The following GBA2 variants were observed in gnomAD, a reference collection of about 807,000 sequenced individuals.
The protein encoded by GBA2 is non-lysosomal glucosylceramidase.
In GBA2, 79 loss-of-function variants were observed where a neutral mutation model predicts 112.9. That is an observed-to-expected ratio of 0.70 (90% confidence interval 0.58 to 0.84). The LOEUF is 0.84. GBA2 is among the 40% of genes least tolerant of loss of function. The pLI is 0.00. For missense variants in GBA2, 1,043 were observed against 1,190.0 expected (o/e 0.88, Z 1.82); for synonymous variants, 403 against 434.3 (o/e 0.93, Z 0.90).
Position 35,740,534 on chromosome 9 carries a change from G to A in GBA2, c.1121C>T (p.Ser374Phe). 3.1e-6 allele frequency: 5 copies of A among 1,610,126 alleles called. No individual in the cohort carries two copies. Among genetic ancestry groups the A allele is most frequent in the Non-Finnish European group, 4.3e-6 (5 of 1,176,384 alleles). The change falls in exon 6 of 17, where the codon TCT becomes TTT. Residue 374 changes from serine to phenylalanine, a missense_variant. By Grantham distance (155) the Ser-to-Phe change is radical. Coordinates refer to ENST00000378103, the MANE Select transcript of GBA2 (RefSeq NM_020944.3). The surrounding 1 kb of genome is among the most constrained non-coding windows in gnomAD (Gnocchi z 4.7). ...GTCAGACCCCCCATCACCAGTGGGA[G>A]AGTCCAGCTGTCCATCCTGAAGTAG... ...QDLLQDGQLD[S>F]PTGQSTPTQK... is the part of the protein sequence containing the mutation.
At chr9:35,747,909 G>A (rs1030204679) in intron 1 of GBA2, among the ~76,000 whole-genome samples, 3 of 152,294 alleles carry the variant, frequency 2.0e-5, no homozygotes, top group African/African-American at 4.8e-5. Context: ...TGTCTAATGA[G>A]GTACAGAGAA....
At chr9:35,743,085 A>G (rs1588020465) in intron 3 of GBA2, among the ~76,000 whole-genome samples, 1 of 152,282 alleles carries the variant, frequency 6.6e-6, no homozygotes, top group African/African-American at 2.4e-5. Flanking sequence ...TGCAAATACT[A>G]TAAGCCATTT....
chr9:35,748,406 G>C lies in GBA2; in HGVS notation c.299C>G (p.Pro100Arg), dbSNP rs773860042. Residue 100 changes from proline to arginine, a missense_variant, in exon 1 of 17, where the codon CCC becomes CGC. Coordinates refer to ENST00000378103, the MANE Select transcript of GBA2 (RefSeq NM_020944.3). ...LAHEFTEKRK[P>R]FQANNVSLSN... is the part of the protein sequence containing the mutation. ...TAGGGAGACGTTGTTAGCTTGAAAG[G>C]GTTTCCTCTTCTCTGTAAACTCATG... 8.1e-6 allele frequency: 13 copies of C among 1,614,120 alleles called. No individual in the cohort carries two copies. Among genetic ancestry groups the C allele is most frequent in the Non-Finnish European group, 1.1e-5 (13 of 1,179,998 alleles).
At chr9:35,739,913 G>C in intron 8 of GBA2, 85 bp downstream of exon 8, 1 of 1,566,506 alleles carries the variant, frequency 6.4e-7, no homozygotes, top group South Asian at 1.1e-5. Flanking sequence ...CAAGTCTACT[G>C]ACTTTGGTGG....
chr9:35,742,002 C>T, intron 3 of GBA2, 112 bp from the exon 4 acceptor site: 1 of 716,326 alleles, frequency 1.4e-6, no homozygotes, highest in Non-Finnish European at 2.5e-6. Context: ...GTTACCACTG[C>T]ACCATCAGCT....
At chr9:35,739,173 G>C in intron 10 of GBA2, 64 bp from the exon 11 acceptor site, 1 of 1,105,944 alleles carries the variant, frequency 9.0e-7, no homozygotes, top group Non-Finnish European at 1.4e-6. Context: ...ACACAGCTAT[G>C]TGTGTGACTG....
rs929371121 is a variant in GBA2, at chr9:35,741,389, G to A, written c.786+283C>T. On this transcript the variant is annotated intron_variant, in intron 4 of 16. Coordinates refer to ENST00000378103, the MANE Select transcript of GBA2 (RefSeq NM_020944.3). This position sits in a 1 kb window ranked among gnomAD's most constrained non-coding sequence, Gnocchi z 4.6. ...GGCTCACTGCAAGCTCCGCCTCCCG[G>A]GTTCACACCATTATCCTGCCTCAGC... 3 of 522,390 alleles carry A rather than the reference G, an allele frequency of 5.7e-6. No individual in the cohort carries two copies. The highest frequency in any genetic ancestry group is 5.7e-5 in the African/African-American group (3 of 52,370). 32.4% of individuals were successfully genotyped at this position (522,390 alleles called of 1,614,324 possible).
At chr9:35,739,215 C>T (rs555781512) in intron 10 of GBA2, 100 bp downstream of exon 10, 45 of 1,023,914 alleles carry the variant, frequency 4.4e-5, no homozygotes, top group Admixed American at 2.9e-4. Flanking sequence ...CATGCAGATA[C>T]GTATGAAGGG....
intron 1 of GBA2, among the ~76,000 whole-genome samples, chr9:35,747,009 G>A (rs542235275): frequency 6.6e-6 from 1 of 152,122 alleles, no homozygotes; most frequent in Non-Finnish European, 1.5e-5. Flanking sequence ...TAATATGGTA[G>A]CTGGCCATTC....
At chr9:35,745,178 A>G (rs1826911282) in intron 1 of GBA2, among the ~76,000 whole-genome samples, 1 of 151,738 alleles carries the variant, frequency 6.6e-6, no homozygotes, top group Non-Finnish European at 1.5e-5. Context: ...GCTGGAGTGC[A>G]GTGGCTCGGT....
Position 35,740,557 on chromosome 9 carries a change from T to C in GBA2, c.1098A>G (p.Leu366=), listed in dbSNP as rs765791387. 1 of 1,613,594 alleles carries C rather than the reference T, an allele frequency of 6.2e-7. No homozygotes were observed. The highest frequency in any genetic ancestry group is 1.1e-5 in the South Asian group (1 of 91,076). ...DSTGQQVWQD[L]LQDGQLDSPT... ...GAGAGTCCAGCTGTCCATCCTGAAG[T>C]AGATCCTGCCACACCTGCTGCCCCG... Residue 366 remains leucine, a synonymous_variant, in exon 6 of 17, where the codon CTA becomes CTG. Coordinates refer to ENST00000378103, the MANE Select transcript of GBA2 (RefSeq NM_020944.3). The surrounding 1 kb of genome is among the most constrained non-coding windows in gnomAD (Gnocchi z 4.7).
Position 35,740,710 on chromosome 9 carries a change from T to C in GBA2, c.1027-82A>G. ...TAGCTCCCCAGCTCCTCTTACTTAC[T>C]CTTAACCTCCCAGGCCCAGGGGCTT... On this transcript the variant is annotated intron_variant, in intron 5 of 16. Coordinates refer to ENST00000378103, the MANE Select transcript of GBA2 (RefSeq NM_020944.3). This position sits in a 1 kb window ranked among gnomAD's most constrained non-coding sequence, Gnocchi z 4.7. 6.5e-7 allele frequency: 1 copy of C among 1,533,794 alleles called. No homozygotes were observed. Among genetic ancestry groups the C allele is most frequent in the Non-Finnish European group, 9.0e-7 (1 of 1,112,238 alleles).
Position 35,740,008 on chromosome 9 carries a change from A to G in GBA2, c.1399T>C (p.Leu467=), listed in dbSNP as rs371553612. The G allele has an allele frequency of 9.3e-6, 15 of 1,613,500 alleles. No homozygotes were observed. In the African/African-American group the frequency reaches 1.1e-4, roughly 11 times the overall value. Residue 467 remains leucine (L), a synonymous_variant, in exon 8 of 17, where the codon TTG becomes CTG. Transcript: ENST00000378103. The surrounding 1 kb of genome is among the most constrained non-coding windows in gnomAD (Gnocchi z 4.7). ...GGGCCCCACTGGCACCTGTCATCCAATACCGGGCTCTGCCAAGCTGAGATC... is the reference window on the plus strand; with the variant it reads ...GGGCCCCACTGGCACCTGTCATCCAGTACCGGGCTCTGCCAAGCTGAGATC... ...ERISAWQSPV[L]DDRSLPAWYK...
At position 35,741,015 on chromosome 9, in the gene GBA2, C is replaced by T; in HGVS notation, c.836G>A (p.Gly279Glu). ...GATGGACACATCTAGAGCTTCGTCC[C>T]CTTCATTTTCCACATCCCACACAAA... ...GVFVWDVENE[G>E]DEALDVSIMF... Residue 279 changes from glycine (G) to glutamate (E), a missense_variant, in exon 5 of 17, where the codon GGG (glycine) becomes GAG (glutamate). Gly to Glu is a moderately conservative substitution (Grantham distance 98, BLOSUM62 -2). Transcript: ENST00000378103. This position sits in a 1 kb window ranked among gnomAD's most constrained non-coding sequence, Gnocchi z 4.6. 1 of 1,614,096 alleles carries T rather than the reference C, an allele frequency of 6.2e-7. No individual in the cohort carries two copies. The highest frequency in any genetic ancestry group is 8.5e-7 in the Non-Finnish European group (1 of 1,179,950).
rs748465218 is a variant in GBA2 at position 35,738,765 on chromosome 9, C to T, written c.1934G>A (p.Trp645Ter). ...TGCATCCCTTACTAGACACACAGGC[C>T]ACATGTCCTTCAGGAAGTTTTGATC... ...TGDQNFLKDM[W>*]PVCLAVMESE... Residue 645 changes from tryptophan (W) to a stop codon, truncating the protein, a stop_gained, in exon 12 of 17, where the codon TGG (tryptophan) becomes TAG (stop). Coordinates refer to ENST00000378103, the MANE Select transcript of GBA2 (RefSeq NM_020944.3). LOFTEE classifies it high-confidence loss of function. 6.2e-7 allele frequency: 1 copy of T among 1,614,190 alleles called. No homozygotes were observed. The highest frequency in any genetic ancestry group is 1.7e-5 in the Admixed American group (1 of 60,028).
In GBA2 at chr9:35,738,377, G is replaced by T; in HGVS notation, c.2055-3C>A. 1 of 1,613,446 alleles carries T rather than the reference G, an allele frequency of 6.2e-7. No individual in the cohort carries two copies. The stretch of plus-strand genomic sequence containing the variant: ...GCCACAGCCCTCCACAGTAAGCACT[G>T]ATCAGGGACATGGGTTTGGGGGTCA... On this transcript the variant is annotated splice_polypyrimidine_tract_variant and splice_region_variant and intron_variant, in intron 13 of 16. Transcript: ENST00000378103.
chr9:35,740,266 GA>G lies in GBA2; in HGVS notation c.1225del (p.Ser409HisfsTer163). ...RPRGQCRLEF[S>X]LAWDMPRIMF... is the part of the protein sequence containing the mutation. ...GATCCTGGGCATGTCCCAAGCCAGTGAAAACTCCAGGCGGCACTGGCCTCGA... is the reference window on the plus strand; with the variant it reads ...GATCCTGGGCATGTCCCAAGCCAGTGAAACTCCAGGCGGCACTGGCCTCGA... On this transcript the variant is annotated frameshift_variant, in exon 7 of 17. Coordinates refer to ENST00000378103, the MANE Select transcript of GBA2 (RefSeq NM_020944.3). LOFTEE classifies it high-confidence loss of function. This position sits in a 1 kb window ranked among gnomAD's most constrained non-coding sequence, Gnocchi z 4.7. 6.2e-7 allele frequency: 1 copy of G among 1,614,146 alleles called. No homozygotes were observed.
intron 1 of GBA2, among the ~76,000 whole-genome samples, chr9:35,747,076 AATTC>A (rs1462906947): frequency 6.6e-6 from 1 of 152,016 alleles, no homozygotes; most frequent in African/African-American, 2.4e-5. Flanking sequence ...TATCACTTAG[AATTC>A]TTGTCTCACC....
intron 2 of GBA2, 30 bp downstream of exon 2, chr9:35,744,585 T>TGAGCA: frequency 1.4e-6 from 2 of 1,394,600 alleles, no homozygotes; most frequent in Non-Finnish European, 2.0e-6. Context: ...AGGCCTTCTC[T>TGAGCA]GAGCAGAGCA....
Sources: gnomAD v4.1 joint callset for allele counts (sites outside exome capture counted in the v4.1 genomes callset) on GRCh38, gnomAD v4.1.1 for gene constraint, Gnocchi (gnomAD v3.1) non-coding constraint, MANE v1.5 for transcripts, NCBI Gene and HGNC (gene_info 2026-07-23, HGNC 2026-07-21) for gene names.